The following SKIC2 variants were observed in gnomAD, a reference collection of about 807,000 sequenced individuals.
SKIC2 encodes the protein superkiller complex protein 2.
the SKIC2 span, chr6:31,968,941 T>C: frequency 1.2e-6 from 2 of 1,612,862 alleles, no homozygotes; most frequent in African/African-American, 1.3e-5. The surrounding 1 kb of genome is among the most constrained non-coding windows in gnomAD (Gnocchi z 6.1). Context: ...GCTTGTGCCA[T>C]GAGCAGCCAT....
chr6:31,962,716 C>T, the SKIC2 span: 1 of 1,612,700 alleles, frequency 6.2e-7, no homozygotes, highest in Non-Finnish European at 8.5e-7. This position sits in a 1 kb window ranked among gnomAD's most constrained non-coding sequence, Gnocchi z 5.0. Flanking sequence ...CTCCCCAGCT[C>T]CATGCTGTAC....
chr6:31,969,618 G>A, the SKIC2 span: 37 of 1,612,758 alleles, frequency 2.3e-5, no homozygotes, highest in African/African-American at 1.9e-4. This position sits in a 1 kb window ranked among gnomAD's most constrained non-coding sequence, Gnocchi z 6.1. Flanking sequence ...GGGGCAGCCC[G>A]CCTGGTAGGA....
At chr6:31,964,135 T>C in the SKIC2 span, 2 of 1,606,266 alleles carry the variant, frequency 1.2e-6, no homozygotes, top group Middle Eastern at 1.6e-4. This position sits in a 1 kb window ranked among gnomAD's most constrained non-coding sequence, Gnocchi z 5.0. Flanking sequence ...GGTGCGTCTG[T>C]GTGCGTCTGT....
At chr6:31,964,327 C>T in the SKIC2 span, 1 of 1,612,668 alleles carries the variant, frequency 6.2e-7, no homozygotes, top group East Asian at 2.2e-5. The surrounding 1 kb of genome is among the most constrained non-coding windows in gnomAD (Gnocchi z 5.0). Context: ...TGCTCTTCAG[C>T]CGTGGCCTGG....
chr6:31,964,400 C>T, the SKIC2 span: 190,010 of 1,351,494 alleles, frequency 0.14, 15,921 homozygotes, highest in African/African-American at 0.34. This position sits in a 1 kb window ranked among gnomAD's most constrained non-coding sequence, Gnocchi z 5.0. Flanking sequence ...TTAGGGGCTG[C>T]CCAGAGGGCA....
At chr6:31,962,560 C>G in the SKIC2 span, 1 of 1,613,726 alleles carries the variant, frequency 6.2e-7, no homozygotes, top group Non-Finnish European at 8.5e-7. This position sits in a 1 kb window ranked among gnomAD's most constrained non-coding sequence, Gnocchi z 5.0. Flanking sequence ...GGCCTCCTGC[C>G]TCATCATGAC....
the SKIC2 span, chr6:31,959,335 G>T: frequency 6.2e-7 from 1 of 1,613,976 alleles, no homozygotes; most frequent in Admixed American, 1.7e-5. Flanking sequence ...ACCCCTTCGG[G>T]CCGTGGAGCT....
chr6:31,966,109 T>C, the SKIC2 span: 1 of 862,472 alleles, frequency 1.2e-6, no homozygotes, highest in Non-Finnish European at 1.7e-6. This position sits in a 1 kb window ranked among gnomAD's most constrained non-coding sequence, Gnocchi z 5.9. Context: ...TTCCTTTTTT[T>C]TTTGGAGACA....
chr6:31,969,476 G>A, the SKIC2 span: 1 of 1,613,768 alleles, frequency 6.2e-7, no homozygotes. The surrounding 1 kb of genome is among the most constrained non-coding windows in gnomAD (Gnocchi z 6.1). Flanking sequence ...AACCTGCCCA[G>A]GCTGAGTGCA....
the SKIC2 span, chr6:31,959,987 C>T: frequency 1.3e-6 from 2 of 1,535,594 alleles, no homozygotes; most frequent in African/African-American, 1.4e-5. Context: ...TACCTAATGC[C>T]TCTCATCTTG....
chr6:31,968,042 A>C, the SKIC2 span: 1 of 1,613,046 alleles, frequency 6.2e-7, no homozygotes, highest in East Asian at 2.2e-5. This position sits in a 1 kb window ranked among gnomAD's most constrained non-coding sequence, Gnocchi z 6.1. Flanking sequence ...TGGGGAGAAG[A>C]TCTTGGAGGA....
At chr6:31,961,602 A>G in the SKIC2 span, 2 of 1,613,102 alleles carry the variant, frequency 1.2e-6, no homozygotes, top group Non-Finnish European at 1.7e-6. Context: ...TCTCAGGAGC[A>G]GTGGGCCATC....
the SKIC2 span, chr6:31,968,903 G>A: frequency 2.2e-5 from 36 of 1,612,932 alleles, no homozygotes; most frequent in South Asian, 3.3e-5. This position sits in a 1 kb window ranked among gnomAD's most constrained non-coding sequence, Gnocchi z 6.1. Flanking sequence ...TGGACGAGGC[G>A]GGCACTGTGA....
At chr6:31,967,595 C>G in the SKIC2 span, 1 of 1,178,800 alleles carries the variant, frequency 8.5e-7, no homozygotes, top group South Asian at 1.4e-5. The surrounding 1 kb of genome is among the most constrained non-coding windows in gnomAD (Gnocchi z 4.9). Context: ...GGTTGCCCCT[C>G]TCTACTGGTG....
chr6:31,962,383 G>A, the SKIC2 span: 16 of 1,592,390 alleles, frequency 1.0e-5, no homozygotes, highest in Admixed American at 3.3e-5. The surrounding 1 kb of genome is among the most constrained non-coding windows in gnomAD (Gnocchi z 5.0). Context: ...TGTGGGAGAG[G>A]AAGTGCGGGC....
At chr6:31,959,900 CTGTT>C in the SKIC2 span, 1 of 790,112 alleles carries the variant, frequency 1.3e-6, no homozygotes, top group Non-Finnish European at 2.2e-6. Context: ...TTGTCCTAGT[CTGTT>C]TGACACATCT....
chr6:31,962,869 C>A, the SKIC2 span: 2 of 1,344,570 alleles, frequency 1.5e-6, no homozygotes, highest in Non-Finnish European at 2.1e-6. This position sits in a 1 kb window ranked among gnomAD's most constrained non-coding sequence, Gnocchi z 5.0. Context: ...TCCCTTATTC[C>A]ACACACTCAG....
At chr6:31,961,754 G>A in the SKIC2 span, 1 of 1,566,366 alleles carries the variant, frequency 6.4e-7, no homozygotes, top group Non-Finnish European at 8.7e-7. Flanking sequence ...CTCCTCTATT[G>A]GCCAGAGGTC....
At chr6:31,963,234 G>T in the SKIC2 span, 1 of 810,562 alleles carries the variant, frequency 1.2e-6, no homozygotes, top group Non-Finnish European at 1.9e-6. This position sits in a 1 kb window ranked among gnomAD's most constrained non-coding sequence, Gnocchi z 5.3. Context: ...GGTGGCTGTG[G>T]GATCCCCTTT....
Sources: allele counts gnomAD v4.1 joint callset, GRCh38; gene constraint gnomAD v4.1.1; non-coding constraint Gnocchi (gnomAD v3.1); transcripts MANE v1.5; gene names NCBI Gene and HGNC (gene_info 2026-07-23, HGNC 2026-07-21).